The following EEF2K variants were observed in gnomAD, a reference collection of about 807,000 sequenced individuals.
EEF2K encodes the protein eukaryotic elongation factor 2 kinase.
A neutral mutation model predicts 93.8 loss-of-function variants in EEF2K; 70 were observed. The observed-to-expected ratio is 0.75, with a 90% CI of 0.62 to 0.91. The LOEUF is 0.91. Ranked by LOEUF, EEF2K falls within the 40% of genes least tolerant of loss-of-function variation. EEF2K has a pLI of 0.00. For synonymous variants in EEF2K, 376 were observed against 380.8 expected, an observed-to-expected ratio of 0.99 and a Z score of 0.15; for missense variants, 935 against 972.9, an observed-to-expected ratio of 0.96 and a Z score of 0.52.
At chr16:22,212,328 C>T (rs1357730690) in intron 1 of EEF2K, among the ~76,000 whole-genome samples, 1 of 144,828 alleles carries the variant, frequency 6.9e-6, no homozygotes, top group East Asian at 2.0e-4. Context: ...CTGTCTCTTT[C>T]TTTTTTTTTT....
intron 6 of EEF2K, among the ~76,000 whole-genome samples, chr16:22,254,678 G>A (rs1260359607): frequency 6.6e-6 from 1 of 152,006 alleles, no homozygotes. Flanking sequence ...AAAAAAATTC[G>A]GCAAGGAATG....
chr16:22,253,490 C>T (rs2047370756), intron 6 of EEF2K, among the ~76,000 whole-genome samples: 1 of 152,070 alleles, frequency 6.6e-6, no homozygotes, highest in Non-Finnish European at 1.5e-5. Context: ...GCCCCAAAAC[C>T]TTGGCCCTGG....
chr16:22,266,671 C>T lies in EEF2K; in HGVS notation c.1576-17C>T, dbSNP rs374798801. ...GCCCGCCAGACAGCCAGGCCGACAC[C>T]GTAGTCTGTGTGGCAGGTCCATCTG... On this transcript the variant is annotated splice_polypyrimidine_tract_variant and intron_variant, in intron 14 of 17. Coordinates refer to ENST00000263026, the MANE Select transcript of EEF2K (RefSeq NM_013302.5). 6.2e-7 allele frequency: 1 copy of T among 1,600,908 alleles called. No homozygotes were observed.
Position 22,284,058 on chromosome 16 carries a change from A to G in EEF2K, c.*62A>G, listed in dbSNP as rs2047727941. 1.5e-6 allele frequency: 2 copies of G among 1,378,468 alleles called. No homozygotes were observed. Among genetic ancestry groups the G allele is most frequent in the South Asian group, 1.3e-5 (1 of 77,618 alleles). The allele number at this position is 1,378,468 out of a possible 1,614,324, so 85.4% of individuals were successfully genotyped here. A position where few individuals can be genotyped will look rare whatever the true frequency, so the allele number is the denominator to read the frequency against. ...GGCTAGGAGGAAAGATTAAAAAAAC[A>G]ACAACAACAACTTATTTAGTTTGGG... On this transcript the variant is annotated 3_prime_UTR_variant, in exon 18 of 18. Transcript: ENST00000263026.
rs79205601 is a variant in EEF2K, at chr16:22,273,809, G to T, written c.1889+59G>T. ...GAACCTGGGCTGCAGGTGGGCGCTT[G>T]TCCTCGGTATCAGCACAGGCCTGGG... is the stretch of plus-strand genomic sequence containing the variant. On this transcript the variant is annotated intron_variant, in intron 16 of 17. Coordinates refer to ENST00000263026, the MANE Select transcript of EEF2K (RefSeq NM_013302.5). 6.3e-4 allele frequency: 1,009 copies of T among 1,596,258 alleles called. 20 individuals carry two copies. The East Asian group carries it at 0.022, about 35-fold the overall frequency.
intron 3 of EEF2K, among the ~76,000 whole-genome samples, chr16:22,247,099 C>T (rs1400195181): frequency 7.5e-6 from 1 of 132,458 alleles, no homozygotes; most frequent in Non-Finnish European, 1.6e-5. Flanking sequence ...CACTACCAGT[C>T]ATAGAAACTA....
intron 2 of EEF2K, among the ~76,000 whole-genome samples, chr16:22,235,239 G>T (rs950981753): frequency 4.6e-5 from 7 of 151,586 alleles, no homozygotes; most frequent in African/African-American, 1.7e-4. Context: ...CAGATATTTT[G>T]CTATTAAGAT....
intron 9 of EEF2K, 22 bp from the exon 10 acceptor site, chr16:22,258,472 G>A: frequency 1.2e-6 from 2 of 1,612,646 alleles, no homozygotes; most frequent in South Asian, 1.1e-5. Context: ...CGTGACATGA[G>A]TATCCCTATT....
intron 1 of EEF2K, among the ~76,000 whole-genome samples, chr16:22,217,644 G>T (rs1429624957): frequency 6.6e-6 from 1 of 152,090 alleles, no homozygotes; most frequent in Non-Finnish European, 1.5e-5. Context: ...GTAGAGACGG[G>T]GTTTCACCAT....
chr16:22,251,091 G>A (rs2047345102), intron 5 of EEF2K, 60 bp from the exon 6 acceptor site: 3 of 1,570,066 alleles, frequency 1.9e-6, no homozygotes, highest in Non-Finnish European at 2.6e-6. Flanking sequence ...GAGGACCAGG[G>A]CTGTGTCCCT....
At chr16:22,230,676 C>T (rs553983287) in intron 2 of EEF2K, among the ~76,000 whole-genome samples, 1 of 152,274 alleles carries the variant, frequency 6.6e-6, no homozygotes, top group Admixed American at 6.5e-5. Context: ...TACATGCCAC[C>T]ATGCCTAGCT....
chr16:22,243,720 GAC>G (rs2047249720), intron 2 of EEF2K, among the ~76,000 whole-genome samples: 1 of 151,304 alleles, frequency 6.6e-6, no homozygotes. Flanking sequence ...TCAGGAGTTT[GAC>G]ACCAGCCTGG....
At chr16:22,233,829 A>C (rs2047140444) in intron 2 of EEF2K, among the ~76,000 whole-genome samples, 1 of 152,166 alleles carries the variant, frequency 6.6e-6, no homozygotes, top group Non-Finnish European at 1.5e-5. Context: ...ATCATAGCTC[A>C]CTGCATTGAA....
At chr16:22,238,102 C>T (rs1036720893) in intron 2 of EEF2K, among the ~76,000 whole-genome samples, 1 of 152,128 alleles carries the variant, frequency 6.6e-6, no homozygotes, top group Non-Finnish European at 1.5e-5. Context: ...CCAGCCTGAC[C>T]AATATGGTGA....
chr16:22,257,218 T>A, intron 7 of EEF2K, 35 bp from the exon 8 acceptor site: 1 of 1,613,930 alleles, frequency 6.2e-7, no homozygotes, highest in Non-Finnish European at 8.5e-7. Flanking sequence ...TCAGCCTGTC[T>A]CTTGACATCT....
chr16:22,259,900 A>C (rs1245200090), intron 10 of EEF2K, among the ~76,000 whole-genome samples: 10 of 152,080 alleles, frequency 6.6e-5, no homozygotes, highest in Non-Finnish European at 2.9e-5. Context: ...TTACAGGTGC[A>C]TGCCACCATA....
intron 4 of EEF2K, among the ~76,000 whole-genome samples, chr16:22,249,705 T>C (rs1205084151): frequency 1.3e-5 from 2 of 152,106 alleles, no homozygotes; most frequent in African/African-American, 4.8e-5. Context: ...ACTCCTGGGC[T>C]CAAGCAATTA....
Position 22,264,849 on chromosome 16 carries a change from C to T in EEF2K, c.1409C>T (p.Ser470Phe). ...GHSYSNRKYESDEDSLGSSGR... is the reference protein window; with the variant it reads ...GHSYSNRKYEFDEDSLGSSGR... ...TCATACAGTAATCGGAAGTACGAGT[C>T]TGACGAAGACAGCCTGGGCAGCTCT... is the stretch of plus-strand genomic sequence containing the variant. Residue 470 changes from serine (S) to phenylalanine (F), a missense_variant, in exon 13 of 18, where the codon TCT becomes TTT. Ser to Phe is a radical substitution (Grantham distance 155). Transcript: ENST00000263026. 4 of 1,613,974 alleles carry T rather than the reference C, an allele frequency of 2.5e-6. No individual in the cohort carries two copies. Among genetic ancestry groups the T allele is most frequent in the Non-Finnish European group, 3.4e-6 (4 of 1,179,966 alleles).
intron 2 of EEF2K, among the ~76,000 whole-genome samples, chr16:22,241,167 G>A (rs1598178834): frequency 6.6e-6 from 1 of 152,102 alleles, no homozygotes. Flanking sequence ...AGAGGAAGTG[G>A]ATTAGGGAGG....
Sources: gnomAD v4.1 joint callset for allele counts (sites outside exome capture counted in the v4.1 genomes callset) on GRCh38, gnomAD v4.1.1 for gene constraint, MANE v1.5 for transcripts, NCBI Gene and HGNC (gene_info 2026-07-23, HGNC 2026-07-21) for gene names.